The following DLC1 variants were observed in gnomAD, a reference collection of about 807,000 sequenced individuals.
DLC1 encodes the protein DLC1 Rho GTPase activating protein, also known as rho GTPase-activating protein 7.
In DLC1, 54 loss-of-function variants were observed where a neutral mutation model predicts 140.3. The ratio of observed to expected loss-of-function variants is 0.38; its 90% CI spans 0.31 to 0.48. DLC1 has a LOEUF of 0.48. Among genes scored for constraint, DLC1 ranks in the 20% least tolerant of loss-of-function variants. The pLI, the probability that DLC1 is intolerant of heterozygous loss-of-function variation, is 0.96. For synonymous variants in DLC1, 986 were observed against 728.1 expected (o/e 1.35, Z -5.70); for missense variants, 2,536 against 1,907.0 (o/e 1.33, Z -6.14).
intron 5 of DLC1, among the ~76,000 whole-genome samples, chr8:13,269,481 C>T (rs1195324725): frequency 6.6e-6 from 1 of 151,918 alleles, no homozygotes; most frequent in East Asian, 1.9e-4. Context: ...GCCTGTAGTC[C>T]CAGCTGGGAG....
At chr8:13,214,774 G>C (rs62637611) in intron 5 of DLC1, 3 of 780,596 alleles carry the variant, frequency 3.8e-6, no homozygotes, top group Non-Finnish European at 7.2e-6. Flanking sequence ...TGATTTTACC[G>C]CTGCTGGGTT....
intron 2 of DLC1, among the ~76,000 whole-genome samples, chr8:13,434,911 C>A (rs1247080349): frequency 7.9e-5 from 12 of 152,124 alleles, no homozygotes; most frequent in African/African-American, 2.9e-4. Context: ...AACTCCTGAG[C>A]TCAAGCGATC....
chr8:13,543,520 A>G (rs1803554377), intron 1 of DLC1, among the ~76,000 whole-genome samples: 1 of 152,196 alleles, frequency 6.6e-6, no homozygotes, highest in Non-Finnish European at 1.5e-5. Context: ...TTTCAACACA[A>G]TTCACAATTG....
intron 5 of DLC1, among the ~76,000 whole-genome samples, chr8:13,147,381 T>A (rs552818461): frequency 2.6e-5 from 4 of 152,222 alleles, no homozygotes; most frequent in Admixed American, 6.5e-5. Context: ...GCTAACAGCA[T>A]TGGGGTCACA....
At chr8:13,560,102 T>A (rs1804185926) in intron 1 of DLC1, among the ~76,000 whole-genome samples, 1 of 152,224 alleles carries the variant, frequency 6.6e-6, no homozygotes, top group Admixed American at 6.5e-5. Context: ...TTATTTGTTG[T>A]GAAGTTGCTT....
intron 5 of DLC1, among the ~76,000 whole-genome samples, chr8:13,271,289 CA>C (rs1830921076): frequency 6.6e-6 from 1 of 152,160 alleles, no homozygotes; most frequent in Non-Finnish European, 1.5e-5. Context: ...GGTTAAAAGG[CA>C]TTACATATGC....
intron 3 of DLC1, among the ~76,000 whole-genome samples, chr8:13,395,238 A>T (rs562855180): frequency 8.3e-4 from 126 of 151,780 alleles, no homozygotes; most frequent in African/African-American, 2.9e-3. Context: ...CTCCTGCCTC[A>T]ACCTCCTTGA....
chr8:13,094,755 T>C lies in DLC1; in HGVS notation c.3526+4A>G. 6.2e-7 allele frequency: 1 copy of C among 1,614,150 alleles called. No homozygotes were observed. The highest frequency in any genetic ancestry group is 8.5e-7 in the Non-Finnish European group (1 of 1,180,012). On this transcript the variant is annotated splice_donor_region_variant and intron_variant, in intron 12 of 17. Transcript: ENST00000276297. ...CAACAATCTTAAGATCAAAGGACAC[T>C]CACATTGGTAGATCTGTAGAAAGGT... is the stretch of plus-strand genomic sequence containing the variant.
intron 1 of DLC1, among the ~76,000 whole-genome samples, chr8:13,539,470 G>A (rs1206118826): frequency 6.6e-6 from 1 of 152,072 alleles, no homozygotes; most frequent in Non-Finnish European, 1.5e-5. Flanking sequence ...AAAGTGCTGG[G>A]ATTACAGGCG....
chr8:13,544,132 C>T (rs1803575752), intron 1 of DLC1, among the ~76,000 whole-genome samples: 2 of 151,220 alleles, frequency 1.3e-5, no homozygotes, highest in Non-Finnish European at 2.9e-5. Flanking sequence ...ATATAGTAAA[C>T]AATGCACATA....
intron 5 of DLC1, among the ~76,000 whole-genome samples, chr8:13,201,751 A>G (rs564657465): frequency 4.1e-4 from 62 of 152,204 alleles, no homozygotes; most frequent in African/African-American, 1.5e-3. Context: ...TCTAAAACGC[A>G]TCATGAATGT....
At chr8:13,350,485 G>A (rs997723823) in intron 4 of DLC1, among the ~76,000 whole-genome samples, 31 of 152,148 alleles carry the variant, frequency 2.0e-4, no homozygotes, top group African/African-American at 7.5e-4. Context: ...GAAAGCCGAG[G>A]CAGGTGGATC....
intron 5 of DLC1, among the ~76,000 whole-genome samples, chr8:13,262,502 C>T (rs1049479530): frequency 6.6e-6 from 1 of 151,990 alleles, no homozygotes; most frequent in Non-Finnish European, 1.5e-5. Flanking sequence ...AAGAAAATCT[C>T]AAATTCACCA....
At chr8:13,590,854 C>G (rs1367913679) in intron 1 of DLC1, among the ~76,000 whole-genome samples, 2 of 152,098 alleles carry the variant, frequency 1.3e-5, no homozygotes, top group Non-Finnish European at 2.9e-5. Context: ...TCATTTACAA[C>G]TTAAGCACAA....
At chr8:13,190,517 G>C (rs1226239428) in intron 5 of DLC1, among the ~76,000 whole-genome samples, 1 of 152,158 alleles carries the variant, frequency 6.6e-6, no homozygotes, top group Non-Finnish European at 1.5e-5. Context: ...GGGTTTTAGT[G>C]ATTGCTGAAA....
chr8:13,453,500 ATG>A lies in DLC1; in HGVS notation c.1023+45547_1023+45548del, dbSNP rs1241690897. ...TATATGTATATATATACATATATAT[ATG>A]TATATATATATACATATATATATAT... On this transcript the variant is annotated intron_variant, in intron 2 of 17. Transcript: ENST00000276297. 3.2e-4 allele frequency among the ~76,000 whole-genome samples: 11 copies of A among 34,858 alleles called. 1 individual carries two copies. Among genetic ancestry groups the A allele is most frequent in the South Asian group, 1.0e-3 (1 of 970 alleles). 22.9% of individuals were successfully genotyped at this position (34,858 alleles called of 152,430 possible).
chr8:13,114,144 C>T (rs574782170), intron 6 of DLC1, among the ~76,000 whole-genome samples: 1 of 152,300 alleles, frequency 6.6e-6, no homozygotes, highest in African/African-American at 2.4e-5. Context: ...GGTGGATCAC[C>T]TGAGGTCGGG....
At chr8:13,248,126 TA>T (rs1221998563) in intron 5 of DLC1, among the ~76,000 whole-genome samples, 1 of 152,218 alleles carries the variant, frequency 6.6e-6, no homozygotes, top group African/African-American at 2.4e-5. Flanking sequence ...GCCCAGTTGT[TA>T]AATGAACCAC....
At chr8:13,332,652 C>A (rs549522530) in intron 4 of DLC1, among the ~76,000 whole-genome samples, 1 of 151,910 alleles carries the variant, frequency 6.6e-6, no homozygotes, top group African/African-American at 2.4e-5. Context: ...TGGCTGATCT[C>A]GAACTCCTGA....
Sources: gnomAD v4.1 joint callset for allele counts (sites outside exome capture counted in the v4.1 genomes callset) on GRCh38, gnomAD v4.1.1 for gene constraint, MANE v1.5 for transcripts, NCBI Gene and HGNC (gene_info 2026-07-23, HGNC 2026-07-21) for gene names.